The following SLCO3A1 variants were observed in gnomAD, a reference collection of about 807,000 sequenced individuals.
The protein encoded by SLCO3A1 is PGE1 transporter.
In SLCO3A1, 27 loss-of-function variants were observed where a neutral mutation model predicts 63.1. That is an observed-to-expected ratio of 0.43 (90% CI 0.32 to 0.59). The LOEUF is 0.59. Among genes scored for constraint, SLCO3A1 ranks in the 20% least tolerant of loss-of-function variants. SLCO3A1 has a pLI of 0.09. For synonymous variants in SLCO3A1, 473 were observed against 409.9 expected (o/e 1.15, Z -1.86); for missense variants, 773 against 945.8 (o/e 0.82, Z 2.40).
In SLCO3A1 at chr15:91,865,768, C is replaced by G. The variant is rs148219091; in HGVS notation, c.180+11680C>G. ...ATGACCTCATGTGACTAGCTTACAT[C>G]TGCTAAGTCCTCGTTTCCAAATTAG... On this transcript the variant is annotated intron_variant, in intron 1 of 9. Transcript: ENST00000318445. The surrounding 1 kb of genome is among the most constrained non-coding windows in gnomAD (Gnocchi z 4.6). Among the ~76,000 whole-genome samples, 1 of 152,232 alleles carries G rather than the reference C, an allele frequency of 6.6e-6. No homozygotes were observed.
At chr15:92,143,459 A>ATATT (rs551299444) in intron 7 of SLCO3A1, among the ~76,000 whole-genome samples, 3 of 4,402 alleles carry the variant, frequency 6.8e-4, no homozygotes, top group African/African-American at 6.1e-3. Flanking sequence ...TAATATATAT[A>ATATT]ATATATATAA....
chr15:91,994,592 G>T (rs919093287), intron 2 of SLCO3A1, among the ~76,000 whole-genome samples: 1 of 114,164 alleles, frequency 8.8e-6, no homozygotes, highest in Non-Finnish European at 2.1e-5. Flanking sequence ...GAAGTGCAGG[G>T]TTAAGTTAAG....
intron 6 of SLCO3A1, 68 bp from the exon 7 acceptor site, chr15:92,128,283 G>A (rs1008258728): frequency 3.8e-6 from 6 of 1,595,210 alleles, no homozygotes; most frequent in African/African-American, 1.3e-5. Context: ...GCAAAAGGCT[G>A]TCACTGGGGG....
chr15:91,960,544 T>C (rs1900407236), intron 2 of SLCO3A1, among the ~76,000 whole-genome samples: 1 of 152,242 alleles, frequency 6.6e-6, no homozygotes, highest in African/African-American at 2.4e-5. Flanking sequence ...GATCGTCCTG[T>C]AGCTCCTAAA....
At chr15:92,085,176 C>T (rs1408957478) in intron 2 of SLCO3A1, among the ~76,000 whole-genome samples, 3 of 152,180 alleles carry the variant, frequency 2.0e-5, no homozygotes, top group Non-Finnish European at 2.9e-5. Context: ...GACGCACATC[C>T]AGTCCAGCTG....
chr15:92,067,875 G>T (rs1597279566), intron 2 of SLCO3A1, among the ~76,000 whole-genome samples: 3 of 152,310 alleles, frequency 2.0e-5, no homozygotes, highest in Non-Finnish European at 1.5e-5. Context: ...TGCAGATTCA[G>T]TGTCTCGTGA....
intron 1 of SLCO3A1, among the ~76,000 whole-genome samples, chr15:91,909,960 C>A (rs1597111408): frequency 6.6e-6 from 1 of 152,250 alleles, no homozygotes; most frequent in Admixed American, 6.5e-5. Flanking sequence ...CTGATACCTG[C>A]ACAGCAGTGC....
chr15:92,071,626 C>A (rs552228839), intron 2 of SLCO3A1, among the ~76,000 whole-genome samples: 7 of 152,232 alleles, frequency 4.6e-5, no homozygotes, highest in African/African-American at 1.7e-4. Context: ...CAACACTGGC[C>A]CGGCAGTGTA....
Position 91,894,768 on chromosome 15 carries a change from G to A in SLCO3A1, c.181-21225G>A, listed in dbSNP as rs907644262. Among the ~76,000 whole-genome samples the A allele has an allele frequency of 6.6e-6, 1 of 152,208 alleles. No homozygotes were observed. Among genetic ancestry groups the A allele is most frequent in the Admixed American group, 6.5e-5 (1 of 15,278 alleles). The stretch of plus-strand genomic sequence containing the variant: ...GGTGATGTCAGCTACTCCTGCTGGA[G>A]CCCCACTTGACTGAGCAAGGGCTTA... On this transcript the variant is annotated intron_variant, in intron 1 of 9. Transcript: ENST00000318445. This position sits in a 1 kb window ranked among gnomAD's most constrained non-coding sequence, Gnocchi z 4.8.
At position 91,912,798 on chromosome 15, in the gene SLCO3A1, C is replaced by G. The variant is rs892693904; in HGVS notation, c.181-3195C>G. On this transcript the variant is annotated intron_variant, in intron 1 of 9. Coordinates refer to ENST00000318445, the MANE Select transcript of SLCO3A1 (RefSeq NM_013272.4). The surrounding 1 kb of genome is among the most constrained non-coding windows in gnomAD (Gnocchi z 5.0). ...TCTCCGGGGGTGACTTTCTAGGGGA[C>G]CCCACCCAGACATGTTCTTTTCCAC... 6.6e-6 allele frequency among the ~76,000 whole-genome samples: 1 copy of G among 152,142 alleles called. No individual in the cohort carries two copies. Among genetic ancestry groups the G allele is most frequent in the African/African-American group, 2.4e-5 (1 of 41,426 alleles).
intron 2 of SLCO3A1, among the ~76,000 whole-genome samples, chr15:92,019,054 G>A (rs2046473952): frequency 6.7e-6 from 1 of 149,720 alleles, no homozygotes; most frequent in African/African-American, 2.5e-5. Context: ...TAACGAGGCA[G>A]GTGTGTGCGT....
chr15:91,986,361 C>T (rs1179916876), intron 2 of SLCO3A1, among the ~76,000 whole-genome samples: 1 of 152,148 alleles, frequency 6.6e-6, no homozygotes, highest in Non-Finnish European at 1.5e-5. Context: ...GCTGTGGGTG[C>T]CTATTGGCAG....
rs535771338 is a variant in SLCO3A1 at position 92,074,841 on chromosome 15, C to T, written c.647-20040C>T. 4.6e-5 allele frequency among the ~76,000 whole-genome samples: 7 copies of T among 152,324 alleles called. No homozygotes were observed. In the East Asian group the frequency reaches 1.3e-3, roughly 29 times the overall value. ...AGGCAGCCCCACATCCTGCTTCCTC[C>T]CTGTGCTGAGTGTAATCACTTCTGC... On this transcript the variant is annotated intron_variant, in intron 2 of 9. Coordinates refer to ENST00000318445, the MANE Select transcript of SLCO3A1 (RefSeq NM_013272.4).
intron 2 of SLCO3A1, among the ~76,000 whole-genome samples, chr15:92,044,638 C>T (rs2046838411): frequency 6.6e-6 from 1 of 152,130 alleles, no homozygotes; most frequent in African/African-American, 2.4e-5. Flanking sequence ...GTCTTCAGGT[C>T]ATCCTGTGCT....
intron 2 of SLCO3A1, among the ~76,000 whole-genome samples, chr15:91,957,206 G>A (rs567389320): frequency 8.3e-6 from 1 of 120,412 alleles, no homozygotes; most frequent in Non-Finnish European, 1.6e-5. Flanking sequence ...TGCCAGGCTG[G>A]TCTCAAACCC....
intron 2 of SLCO3A1, among the ~76,000 whole-genome samples, chr15:92,036,422 C>A (rs2046727816): frequency 6.7e-6 from 1 of 149,224 alleles, no homozygotes; most frequent in Non-Finnish European, 1.5e-5. Flanking sequence ...GAAAATTCCA[C>A]TTCGCCAAGA....
intron 2 of SLCO3A1, among the ~76,000 whole-genome samples, chr15:92,001,022 A>T (rs144173047): frequency 0.011 from 1,703 of 152,018 alleles, 28 homozygotes; most frequent in African/African-American, 0.04. Flanking sequence ...TAAATATGCA[A>T]TTTACCTTGT....
chr15:91,877,932 C>T (rs1221062848), intron 1 of SLCO3A1, among the ~76,000 whole-genome samples: 2 of 152,052 alleles, frequency 1.3e-5, no homozygotes, highest in South Asian at 2.1e-4. Context: ...TGGGGCCACA[C>T]AGGGAGCATC....
Position 92,069,096 on chromosome 15 carries a change from GCCCC to G in SLCO3A1, c.647-25778_647-25775del, listed in dbSNP as rs56003783. 4.1e-4 allele frequency among the ~76,000 whole-genome samples: 48 copies of G among 115,810 alleles called. 1 individual carries two copies. The highest frequency in any genetic ancestry group is 3.7e-3 in the Admixed American group (42 of 11,354). The allele number at this position is 115,810 out of a possible 152,430, so 76.0% of individuals were successfully genotyped here. A position where few individuals can be genotyped will look rare whatever the true frequency, so the allele number is the denominator to read the frequency against. On this transcript the variant is annotated intron_variant, in intron 2 of 9. Coordinates refer to ENST00000318445, the MANE Select transcript of SLCO3A1 (RefSeq NM_013272.4). ...TGCTTCTCATTCAAGGGCTCCCCCC[GCCCC>G]CCCCCCGCCACCCCCCACTCCCCCC...
Sources: allele counts gnomAD v4.1 joint callset (sites outside exome capture counted in the v4.1 genomes callset), GRCh38; gene constraint gnomAD v4.1.1; non-coding constraint Gnocchi (gnomAD v3.1); transcripts MANE v1.5; gene names NCBI Gene and HGNC (gene_info 2026-07-23, HGNC 2026-07-21).